Variants in SLC4A4 observed in about 807,000 individuals in gnomAD.
SLC4A4 encodes electrogenic sodium bicarbonate cotransporter 1.
A neutral mutation model predicts 111.5 loss-of-function variants in SLC4A4; 27 were observed. The observed-to-expected ratio is 0.24, with a 90% CI of 0.18 to 0.33. The LOEUF is 0.33. SLC4A4 is among the 10% of genes least tolerant of loss of function. SLC4A4 has a pLI of 1.00. For synonymous variants in SLC4A4, 443 were observed against 463.4 expected (o/e 0.96, Z 0.57); for missense variants, 909 against 1,315.5 (o/e 0.69, Z 4.78).
intron 1 of SLC4A4, among the ~76,000 whole-genome samples, chr4:71,090,703 C>G (rs957444749): frequency 6.6e-6 from 1 of 152,140 alleles, no homozygotes; most frequent in Non-Finnish European, 1.5e-5. Flanking sequence ...TTGTTCTTTG[C>G]TGGGAAAAAT....
At chr4:71,282,479 T>C (rs569227288) in intron 3 of SLC4A4, among the ~76,000 whole-genome samples, 71 of 152,050 alleles carry the variant, frequency 4.7e-4, no homozygotes, top group African/African-American at 1.6e-3. Context: ...GAGATGGGGT[T>C]TCTCCGTGTT....
chr4:71,565,077 G>A (rs1311779938), intron 24 of SLC4A4, among the ~76,000 whole-genome samples: 3 of 151,722 alleles, frequency 2.0e-5, no homozygotes, highest in Non-Finnish European at 4.4e-5. Context: ...CAGTGTGGGA[G>A]TGGGCCCAAG....
At chr4:71,128,670 G>A (rs984094405) in intron 2 of SLC4A4, among the ~76,000 whole-genome samples, 1 of 152,066 alleles carries the variant, frequency 6.6e-6, no homozygotes, top group Non-Finnish European at 1.5e-5. Context: ...TGTATTTTTA[G>A]TAGAGATGGG....
At chr4:71,235,852 C>A (rs1433242718) in intron 1 of SLC4A4, among the ~76,000 whole-genome samples, 2 of 152,080 alleles carry the variant, frequency 1.3e-5, no homozygotes, top group African/African-American at 4.8e-5. Context: ...GTTAACAGGG[C>A]AGATATACAT....
intron 3 of SLC4A4, among the ~76,000 whole-genome samples, chr4:71,278,169 A>G (rs1053694111): frequency 1.8e-4 from 28 of 151,382 alleles, no homozygotes; most frequent in African/African-American, 6.8e-4. Context: ...TTTTTTTTTA[A>G]TTACACATAA....
intron 3 of SLC4A4, among the ~76,000 whole-genome samples, chr4:71,332,392 C>T (rs976457103): frequency 4.0e-5 from 6 of 151,642 alleles, no homozygotes; most frequent in African/African-American, 1.5e-4. Context: ...TTTTCTAGAT[C>T]TCACAGGTGT....
chr4:71,256,469 G>A (rs1007945440), intron 3 of SLC4A4, among the ~76,000 whole-genome samples: 1 of 152,098 alleles, frequency 6.6e-6, no homozygotes, highest in South Asian at 2.1e-4. Context: ...AGAGAAGTGC[G>A]GTGCTAAGAG....
At chr4:71,344,573 C>T (rs1282179778) in intron 4 of SLC4A4, among the ~76,000 whole-genome samples, 2 of 152,240 alleles carry the variant, frequency 1.3e-5, no homozygotes, top group African/African-American at 2.4e-5. Flanking sequence ...CTGTGAAAGT[C>T]GCAATTGATA....
intron 12 of SLC4A4, among the ~76,000 whole-genome samples, chr4:71,454,070 A>G (rs1725999017): frequency 5.3e-5 from 8 of 152,206 alleles, no homozygotes; most frequent in Admixed American, 5.2e-4. Context: ...AATTTTACAC[A>G]TGAGCAAATA....
intron 16 of SLC4A4, among the ~76,000 whole-genome samples, chr4:71,508,978 C>T (rs1344192815): frequency 3.9e-5 from 6 of 152,142 alleles, no homozygotes; most frequent in African/African-American, 9.7e-5. Flanking sequence ...TGATTCATCA[C>T]ACAACCAGAA....
At chr4:71,114,233 G>C (rs556429797) in intron 2 of SLC4A4, among the ~76,000 whole-genome samples, 1 of 152,148 alleles carries the variant, frequency 6.6e-6, no homozygotes, top group African/African-American at 2.4e-5. Context: ...GTGACAGAGC[G>C]AGACTCGCTC....
chr4:71,363,116 T>C (rs551868438), intron 6 of SLC4A4, among the ~76,000 whole-genome samples: 67 of 152,336 alleles, frequency 4.4e-4, no homozygotes, highest in African/African-American at 1.6e-3. Flanking sequence ...TGGTTTGATA[T>C]AAACACACAC....
At chr4:71,557,104 C>T (rs1736543400) in intron 21 of SLC4A4, among the ~76,000 whole-genome samples, 1 of 151,924 alleles carries the variant, frequency 6.6e-6, no homozygotes, top group Non-Finnish European at 1.5e-5. Flanking sequence ...CCCTGAAACT[C>T]ACTGTAGTAT....
intron 1 of SLC4A4, among the ~76,000 whole-genome samples, chr4:71,216,083 A>G (rs1718415687): frequency 6.6e-6 from 1 of 151,668 alleles, no homozygotes; most frequent in South Asian, 2.1e-4. Context: ...TAACTTTTGT[A>G]TTTTTAGTAG....
At chr4:71,282,611 C>G (rs1333430204) in intron 3 of SLC4A4, among the ~76,000 whole-genome samples, 1 of 149,574 alleles carries the variant, frequency 6.7e-6, no homozygotes, top group African/African-American at 2.5e-5. Flanking sequence ...AAGACAAGGT[C>G]TCACTCTATT....
At chr4:71,107,851 G>A (rs10007501) in intron 2 of SLC4A4, among the ~76,000 whole-genome samples, 4,038 of 128,344 alleles carry the variant, frequency 0.031, 78 homozygotes, top group Middle Eastern at 0.037. Flanking sequence ...GGGACTACAG[G>A]CAAACACCAC....
intron 14 of SLC4A4, among the ~76,000 whole-genome samples, chr4:71,483,493 A>AG (rs1308914392): frequency 6.6e-6 from 1 of 151,944 alleles, no homozygotes; most frequent in Non-Finnish European, 1.5e-5. Flanking sequence ...ATCCCTGCAA[A>AG]GGGCATGATC....
At chr4:71,142,696 T>C (rs1049184628) in intron 2 of SLC4A4, among the ~76,000 whole-genome samples, 1 of 151,868 alleles carries the variant, frequency 6.6e-6, no homozygotes, top group African/African-American at 2.4e-5. Context: ...TATCTAGCAG[T>C]TGAAAATATA....
In SLC4A4 at chr4:71,531,808, A is replaced by G. The variant is rs3952486; in HGVS notation, c.2167-254A>G. Among the ~76,000 whole-genome samples, 565 of 115,424 alleles carry G rather than the reference A, an allele frequency of 4.9e-3. 4 individuals carry two copies. Among genetic ancestry groups the G allele is most frequent in the African/African-American group, 0.019 (490 of 26,364 alleles). 75.7% of individuals were successfully genotyped at this position (115,424 alleles called of 152,430 possible). A position where few individuals can be genotyped will look rare whatever the true frequency, so the allele number is the denominator to read the frequency against. On this transcript the variant is annotated intron_variant, in intron 16 of 25. Transcript: ENST00000264485. ...ACACACACACACACACACACACAGA[A>G]AGAGAGAGAGAGAGAGAGAAAGAGC...
Sources: gnomAD v4.1 joint callset for allele counts (sites outside exome capture counted in the v4.1 genomes callset) on GRCh38, gnomAD v4.1.1 for gene constraint, MANE v1.5 for transcripts, NCBI Gene and HGNC (gene_info 2026-07-23, HGNC 2026-07-21) for gene names.